PPP4R1: variants seen among roughly 807,000 people sequenced by gnomAD.
The protein encoded by PPP4R1 is serine/threonine-protein phosphatase 4 regulatory subunit 1.
A neutral mutation model predicts 111.2 loss-of-function variants in PPP4R1; 42 were observed. That is an observed-to-expected ratio of 0.38 (90% CI 0.29 to 0.49). The LOEUF is 0.49. Among genes scored for constraint, PPP4R1 ranks in the 20% least tolerant of loss-of-function variants. The pLI, the probability that PPP4R1 is intolerant of heterozygous loss-of-function variation, is 0.97. For synonymous variants in PPP4R1, 409 were observed against 405.5 expected, an observed-to-expected ratio of 1.01 and a Z score of -0.10; for missense variants, 1,012 against 1,161.6, an observed-to-expected ratio of 0.87 and a Z score of 1.87.
intron 19 of PPP4R1, 74 bp from the exon 20 acceptor site, chr18:9,548,026 G>A (rs1002987689): frequency 2.1e-6 from 3 of 1,454,952 alleles, no homozygotes; most frequent in Non-Finnish European, 2.8e-6. Flanking sequence ...AAGTACGAGT[G>A]TAAACAGTTA....
Position 9,570,584 on chromosome 18 carries a change from C to T in PPP4R1, c.1146G>A (p.Thr382=), listed in dbSNP as rs200192249. 65 of 1,614,158 alleles carry T rather than the reference C, an allele frequency of 4.0e-5. No individual in the cohort carries two copies. The Admixed American group carries it at 5.0e-4, about 12-fold the overall frequency. ...ATGCCTCAGCAGCATGGTCTTCCAT[C>T]GTGTTTTCCAGTATGACACTGGAAT... ...VSNSSVILEN[T]MEDHAAEASG... The change falls in exon 11 of 20, where the codon ACG becomes ACA. Residue 382 remains threonine, a synonymous_variant. Coordinates refer to ENST00000400556, the MANE Select transcript of PPP4R1 (RefSeq NM_001042388.3).
At chr18:9,556,611 T>C (rs1477613196) in intron 15 of PPP4R1, among the ~76,000 whole-genome samples, 2 of 152,278 alleles carry the variant, frequency 1.3e-5, no homozygotes, top group Non-Finnish European at 2.9e-5. Flanking sequence ...AGTAAACAAT[T>C]TGTAAAAAAT....
Position 9,549,304 on chromosome 18 carries a change from T to C in PPP4R1, c.2582A>G (p.Gln861Arg), listed in dbSNP as rs201651347. ...ATGCGGCATGAGATGCACAGCAAAC[T>C]GGTCCATGGGAAGGCAGTCATCCTC... The part of the protein sequence containing the change: ...VIEDDCLPMD[Q>R]FAVHLMPHLL... Residue 861 changes from glutamine to arginine, a missense_variant, in exon 19 of 20, where the codon CAG becomes CGG. Physicochemically the swap from Gln to Arg is conservative, Grantham distance 43. This residue lies in a region of PPP4R1 where 305 missense variants were observed against 419.5 expected (regional missense o/e 0.73). Transcript: ENST00000400556. 3 of 1,612,446 alleles carry C rather than the reference T, an allele frequency of 1.9e-6. No homozygotes were observed. Among genetic ancestry groups the C allele is most frequent in the African/African-American group, 2.7e-5 (2 of 74,920 alleles).
chr18:9,570,461 A>G lies in PPP4R1; in HGVS notation c.1269T>C (p.Asn423=), dbSNP rs749116447. ...ESHQEAASNE[N]DKKPGNYKSM... is the part of the protein sequence containing the mutation. ...ATTTGTAGTTACCAGGTTTTTTATC[A>G]TTCTCATTACTAGCTGCTTCCTGGT... The change falls in exon 11 of 20, where the codon AAT becomes AAC. Residue 423 remains asparagine, a synonymous_variant. Coordinates refer to ENST00000400556, the MANE Select transcript of PPP4R1 (RefSeq NM_001042388.3). The G allele has an allele frequency of 2.5e-6, 4 of 1,614,180 alleles. No individual in the cohort carries two copies. In the South Asian group the frequency reaches 4.4e-5, roughly 18 times the overall value.
intron 13 of PPP4R1, 50 bp downstream of exon 13, chr18:9,561,930 A>C: frequency 6.8e-7 from 1 of 1,465,488 alleles, no homozygotes; most frequent in Non-Finnish European, 9.6e-7. Context: ...GGGCTCTAAA[A>C]GAGGAATTAG....
At chr18:9,579,326 C>T (rs1410194104) in intron 9 of PPP4R1, among the ~76,000 whole-genome samples, 1 of 152,122 alleles carries the variant, frequency 6.6e-6, no homozygotes, top group East Asian at 1.9e-4. Flanking sequence ...CTGGAAACCA[C>T]TAAAAAACCC....
upstream of PPP4R1, chr18:9,617,117 T>A (rs552301852): frequency 3.6e-4 from 55 of 152,334 alleles, no homozygotes; most frequent in African/African-American, 1.3e-3. Flanking sequence ...TTATTCTACA[T>A]ACCTTTAACC....
intron 5 of PPP4R1, 130 bp from the exon 6 acceptor site, chr18:9,588,365 TTG>T (rs1410886726): frequency 5.9e-6 from 6 of 1,009,674 alleles, no homozygotes; most frequent in Non-Finnish European, 8.5e-6. Context: ...AAATAAATAT[TTG>T]TGTTTATTTT....
At chr18:9,567,930 G>A (rs561766696) in intron 11 of PPP4R1, among the ~76,000 whole-genome samples, 3 of 152,186 alleles carry the variant, frequency 2.0e-5, no homozygotes, top group Non-Finnish European at 2.9e-5. Context: ...GTAAAGCTCA[G>A]ATGATCATCA....
chr18:9,553,496 C>CA (rs1289551700), intron 15 of PPP4R1, 74 bp from the exon 16 acceptor site: 2 of 949,480 alleles, frequency 2.1e-6, no homozygotes, highest in African/African-American at 3.3e-5. Flanking sequence ...TGCTTAAAAA[C>CA]AGACTGTAAG....
intron 2 of PPP4R1, among the ~76,000 whole-genome samples, chr18:9,596,325 A>G (rs1056785825): frequency 6.6e-6 from 1 of 152,186 alleles, no homozygotes; most frequent in Non-Finnish European, 1.5e-5. Context: ...AAGCCCTAAG[A>G]GCTTTCCAAG....
intron 2 of PPP4R1, among the ~76,000 whole-genome samples, chr18:9,597,543 C>T (rs1203667868): frequency 3.3e-5 from 5 of 152,142 alleles, no homozygotes; most frequent in Non-Finnish European, 5.9e-5. Context: ...ATCAAGTGAA[C>T]GAATCCTCGA....
At chr18:9,553,495 A>G (rs1329039725) in intron 15 of PPP4R1, 73 bp from the exon 16 acceptor site, 13 of 946,854 alleles carry the variant, frequency 1.4e-5, no homozygotes, top group Non-Finnish European at 2.1e-5. Context: ...GTGCTTAAAA[A>G]CAGACTGTAA....
At position 9,548,406 on chromosome 18, in the gene PPP4R1, C is replaced by T. The variant is rs541542279; in HGVS notation, c.2690-454G>A. 3.8e-3 allele frequency among the ~76,000 whole-genome samples: 479 copies of T among 126,964 alleles called. 5 individuals are homozygous for T. The highest frequency in any genetic ancestry group is 0.012 in the African/African-American group (456 of 39,432). 83.3% of individuals were successfully genotyped at this position (126,964 alleles called of 152,430 possible). The stretch of plus-strand genomic sequence containing the variant: ...TTTATGAGGTGTTTTGGGCGGCAGG[C>T]GGCGGGGGGGTCGATTAAAATAAAT... On this transcript the variant is annotated intron_variant, in intron 19 of 19. Coordinates refer to ENST00000400556, the MANE Select transcript of PPP4R1 (RefSeq NM_001042388.3).
At chr18:9,569,386 C>T (rs566803876) in intron 11 of PPP4R1, among the ~76,000 whole-genome samples, 5 of 152,320 alleles carry the variant, frequency 3.3e-5, no homozygotes, top group Admixed American at 6.5e-5. Context: ...CAGAGTCTTG[C>T]TGTCGCCCAG....
chr18:9,561,232 A>AATG (rs1568091400), intron 13 of PPP4R1, among the ~76,000 whole-genome samples: 1 of 146,882 alleles, frequency 6.8e-6, no homozygotes, highest in East Asian at 2.0e-4. Context: ...TAATAATAAT[A>AATG]ATAATAATAA....
chr18:9,585,721 T>C (rs1345436691), intron 6 of PPP4R1, among the ~76,000 whole-genome samples: 2 of 152,192 alleles, frequency 1.3e-5, no homozygotes, highest in South Asian at 2.1e-4. Context: ...TAAAAATCTA[T>C]TGTATTTCTA....
At chr18:9,601,952 T>C (rs1388368350) in intron 2 of PPP4R1, among the ~76,000 whole-genome samples, 3 of 151,864 alleles carry the variant, frequency 2.0e-5, no homozygotes, top group Non-Finnish European at 4.4e-5. Flanking sequence ...ATGAAAGGAA[T>C]CAAATATGTT....
intron 2 of PPP4R1, chr18:9,613,562 G>C (rs1268508528): frequency 6.6e-6 from 1 of 152,194 alleles, no homozygotes; most frequent in South Asian, 2.1e-4. Context: ...ACTGAAGGAG[G>C]GCTGGGTGAT....
Sources: gnomAD v4.1 joint callset for allele counts (sites outside exome capture counted in the v4.1 genomes callset) on GRCh38, gnomAD v4.1.1 for gene constraint, gnomAD v4.1.1 regional missense constraint, MANE v1.5 for transcripts, NCBI Gene and HGNC (gene_info 2026-07-23, HGNC 2026-07-21) for gene names.